Variants in ZBED6 observed in about 807,000 individuals in gnomAD.
The protein encoded by ZBED6 is zinc finger BED domain-containing protein 6.
A neutral mutation model predicts 58.4 loss-of-function variants in ZBED6; 40 were observed. The ratio of observed to expected loss-of-function variants is 0.68; its 90% CI spans 0.53 to 0.89. The LOEUF is 0.89. ZBED6 is among the 40% of genes least tolerant of loss of function. The pLI, the probability that ZBED6 is intolerant of heterozygous loss-of-function variation, is 0.00. For missense variants in ZBED6, 1,057 were observed against 1,003.9 expected (o/e 1.05, Z -0.71); for synonymous variants, 439 against 350.6 (o/e 1.25, Z -2.82).
At chr1:203,798,056 A>C in exon 1 of ZBED6, 1 of 1,535,758 alleles carries the variant, frequency 6.5e-7, no homozygotes. Flanking sequence ...ATCTGCAAGC[A>C]AGGCATTCAC....
At chr1:203,827,231 A>C (rs946476154) in intron 3 of ZBED6, among the ~76,000 whole-genome samples, 1 of 152,202 alleles carries the variant, frequency 6.6e-6, no homozygotes, top group Admixed American at 6.5e-5. Flanking sequence ...AGAGCTATTG[A>C]AAATAATATT....
intron 1 of ZBED6, among the ~76,000 whole-genome samples, chr1:203,811,143 CAAA>C (rs535589700): frequency 6.8e-5 from 5 of 73,614 alleles, no homozygotes; most frequent in Admixed American, 1.7e-4. Context: ...AACTCTGTCA[CAAA>C]AAAAAAAAAA....
At chr1:203,829,200 C>A in intron 4 of ZBED6, 1 of 538,222 alleles carries the variant, frequency 1.9e-6, no homozygotes, top group South Asian at 2.3e-5. Flanking sequence ...AGGTACTATG[C>A]TTCTTCTAGT....
rs190706736 is a variant in ZBED6, at chr1:203,822,600, T to C, written c.*2873+3911T>C. On this transcript the variant is annotated intron_variant, in intron 3 of 16. Coordinates refer to ENST00000550078, the Ensembl canonical transcript of ZBED6. ...CTTCCTAACCCCACTTGGTCTTTGA[T>C]GCCATTCTAGACTGACCCTACATGA... Among the ~76,000 whole-genome samples, 3 of 152,254 alleles carry C rather than the reference T, an allele frequency of 2.0e-5. No individual in the cohort carries two copies. In the East Asian group the frequency reaches 5.8e-4, roughly 29 times the overall value.
chr1:203,797,587 T>G, exon 1 of ZBED6: 1 of 1,534,332 alleles, frequency 6.5e-7, no homozygotes, highest in East Asian at 2.4e-5. Flanking sequence ...TGCAACACTT[T>G]TAGTGATTCT....
chr1:203,835,518 T>A (rs1272949659), intron 9 of ZBED6: 3 of 159,704 alleles, frequency 1.9e-5, no homozygotes, highest in Non-Finnish European at 4.2e-5. Flanking sequence ...AGCAGTATTT[T>A]ATTTTTGTTT....
chr1:203,823,815 C>T (rs558668585), intron 3 of ZBED6, among the ~76,000 whole-genome samples: 1 of 152,314 alleles, frequency 6.6e-6, no homozygotes, highest in East Asian at 1.9e-4. Context: ...AATAACCTAA[C>T]TATCCTTCAT....
intron 3 of ZBED6, among the ~76,000 whole-genome samples, chr1:203,820,993 T>C (rs1678462616): frequency 6.6e-6 from 1 of 152,160 alleles, no homozygotes; most frequent in Non-Finnish European, 1.5e-5. Context: ...GTTATTGATG[T>C]GAATTAATGC....
At chr1:203,810,786 A>C (rs1271960289) in intron 1 of ZBED6, among the ~76,000 whole-genome samples, 2 of 151,990 alleles carry the variant, frequency 1.3e-5, no homozygotes, top group Admixed American at 1.3e-4. Context: ...TCTACTCAGG[A>C]TTCCATTTCT....
intron 1 of ZBED6, among the ~76,000 whole-genome samples, chr1:203,806,809 T>C (rs1672506098): frequency 6.8e-6 from 1 of 146,982 alleles, no homozygotes; most frequent in Non-Finnish European, 1.5e-5. Flanking sequence ...TTTTGTTGAG[T>C]GGATATTGCA....
chr1:203,809,308 T>G (rs1427825391), intron 1 of ZBED6, among the ~76,000 whole-genome samples: 1 of 150,208 alleles, frequency 6.7e-6, no homozygotes, highest in African/African-American at 2.4e-5. Context: ...CCCGAGTAAC[T>G]GGGACAACAG....
chr1:203,846,078 G>A (rs6685368), intron 11 of ZBED6, among the ~76,000 whole-genome samples: 15,837 of 124,398 alleles, frequency 0.13, 1,092 homozygotes, highest in Non-Finnish European at 0.15. Flanking sequence ...GGAGTTTGGA[G>A]ACCAGCCTGG....
intron 9 of ZBED6, among the ~76,000 whole-genome samples, chr1:203,837,107 C>G (rs1388257638): frequency 6.6e-6 from 1 of 151,888 alleles, no homozygotes; most frequent in Non-Finnish European, 1.5e-5. Flanking sequence ...CCAGCCTGGG[C>G]AACATGGCAA....
At chr1:203,800,542 T>G in exon 1 of ZBED6, 1 of 1,324,386 alleles carries the variant, frequency 7.6e-7, no homozygotes, top group Non-Finnish European at 9.9e-7. Context: ...AATATAATCA[T>G]TATCTTTATA....
At chr1:203,823,570 G>C (rs921056112) in intron 3 of ZBED6, among the ~76,000 whole-genome samples, 4 of 152,170 alleles carry the variant, frequency 2.6e-5, no homozygotes, top group Non-Finnish European at 5.9e-5. Flanking sequence ...AATTAACTTG[G>C]AGCGTCTAAA....
chr1:203,814,340 A>G (rs572758412), intron 1 of ZBED6, among the ~76,000 whole-genome samples: 3 of 152,282 alleles, frequency 2.0e-5, no homozygotes, highest in Admixed American at 6.5e-5. Flanking sequence ...CCTGGCCAAC[A>G]TGGCGAAACC....
chr1:203,831,622 C>T (rs772316781), intron 7 of ZBED6, 39 bp from the exon 8 acceptor site: 3 of 1,560,352 alleles, frequency 1.9e-6, no homozygotes, highest in Non-Finnish European at 2.6e-6. Flanking sequence ...GCATTATTTT[C>T]CATAAATTAT....
exon 13 of ZBED6, chr1:203,848,369 G>A (rs1688442455): frequency 6.2e-7 from 1 of 1,613,258 alleles, no homozygotes; most frequent in Admixed American, 1.7e-5. Context: ...AGGAAATGAA[G>A]TTGATTCTCA....
chr1:203,799,151 A>G (rs1669705436), exon 1 of ZBED6: 2 of 1,477,432 alleles, frequency 1.4e-6, no homozygotes, highest in Non-Finnish European at 9.1e-7. Context: ...TACAAGAATT[A>G]AATGACCAGA....
Sources: allele counts gnomAD v4.1 joint callset (sites outside exome capture counted in the v4.1 genomes callset), GRCh38; gene constraint gnomAD v4.1.1; transcripts MANE v1.5; gene names NCBI Gene and HGNC (gene_info 2026-07-23, HGNC 2026-07-21).